The following RHEB variants were observed in gnomAD, a reference collection of about 807,000 sequenced individuals.
RHEB encodes Ras homolog, mTORC1 binding, also known as GTP-binding protein Rheb.
Under a neutral mutation model 28.8 loss-of-function variants are expected in RHEB, and 2 were observed. That is an observed-to-expected ratio of 0.07 (90% CI 0.03 to 0.22). The LOEUF (loss-of-function observed/expected upper bound fraction) is 0.22. RHEB is among the 10% of genes least tolerant of loss of function. RHEB has a pLI of 1.00. For missense variants in RHEB, 76 were observed against 219.9 expected, an observed-to-expected ratio of 0.35 and a Z score of 4.14; for synonymous variants, 69 against 77.3, an observed-to-expected ratio of 0.89 and a Z score of 0.56.
In RHEB at chr7:151,467,219, G is replaced by A; in HGVS notation, c.463-8C>T. 1 of 1,602,414 alleles carries A rather than the reference G, an allele frequency of 6.2e-7. No homozygotes were observed. Among genetic ancestry groups the A allele is most frequent in the Non-Finnish European group, 8.6e-7 (1 of 1,169,428 alleles). On this transcript the variant is annotated splice_region_variant and splice_polypyrimidine_tract_variant and intron_variant, in intron 7 of 7. Transcript: ENST00000262187. ...AAAAACATCCACAGCAGTCTGAAAAGAGAAAGAAACCCAATCACAGTGTTA... is the reference window on the plus strand; with the variant it reads ...AAAAACATCCACAGCAGTCTGAAAAAAGAAAGAAACCCAATCACAGTGTTA...
At chr7:151,517,312 G>A (rs1160881542) in intron 1 of RHEB, among the ~76,000 whole-genome samples, 1 of 149,948 alleles carries the variant, frequency 6.7e-6, no homozygotes, top group Non-Finnish European at 1.5e-5. Flanking sequence ...AGGATGCAGT[G>A]AGCCGAGATC....
At chr7:151,470,706 C>T (rs1042309218) in intron 6 of RHEB, 54 bp from the exon 7 acceptor site, 1 of 1,221,194 alleles carries the variant, frequency 8.2e-7, no homozygotes, top group Non-Finnish European at 1.2e-6. Flanking sequence ...TTATATAAAA[C>T]ATGTATAATT....
At chr7:151,502,614 C>T in intron 1 of RHEB, 4 of 1,524,166 alleles carry the variant, frequency 2.6e-6, no homozygotes, top group Non-Finnish European at 3.6e-6. Context: ...CAGATGACAG[C>T]AAGTTTGGAT....
intron 1 of RHEB, chr7:151,517,998 G>C (rs758317080): frequency 6.6e-6 from 1 of 151,880 alleles, no homozygotes; most frequent in Non-Finnish European, 1.5e-5. Flanking sequence ...CATGGATTCA[G>C]GCTGCCAATA....
chr7:151,496,824 G>C (rs1241189560), intron 1 of RHEB, among the ~76,000 whole-genome samples: 4 of 152,010 alleles, frequency 2.6e-5, no homozygotes, highest in Non-Finnish European at 1.5e-5. Flanking sequence ...CTGTTGCCCA[G>C]GCTGGAGTGC....
chr7:151,471,581 A>G lies in RHEB; in HGVS notation c.300T>C (p.His100=), dbSNP rs200487961. 1.6e-5 allele frequency: 26 copies of G among 1,604,796 alleles called. No individual in the cohort carries two copies. The highest frequency in any genetic ancestry group is 2.1e-5 in the Non-Finnish European group (25 of 1,174,126). The change falls in exon 5 of 8, where the codon CAT becomes CAC. Residue 100 remains histidine, a synonymous_variant. Transcript: ENST00000262187. ...TCCCCACCATATCCAACAATTTGCC[A>G]TGGATAACTTTAATCACTTCAAAAC... The part of the protein sequence containing the change: ...IKSFEVIKVI[H]GKLLDMVGKV...
rs75040980 is a variant in RHEB at position 151,472,534 on chromosome 7, C to T, written c.276-929G>A. ...CTGGGATTACAGGCGTGAGCCACCA[C>T]ACCCAGCCTCAAATGTCACTTCTTA... On this transcript the variant is annotated intron_variant, in intron 4 of 7. Coordinates refer to ENST00000262187, the MANE Select transcript of RHEB (RefSeq NM_005614.4). The surrounding 1 kb of genome is among the most constrained non-coding windows in gnomAD (Gnocchi z 5.2). 5.6e-4 allele frequency among the ~76,000 whole-genome samples: 85 copies of T among 152,338 alleles called. 1 individual carries two copies. In the East Asian group the frequency reaches 0.012, roughly 22 times the overall value.
At chr7:151,503,032 T>G (rs1243471857) in intron 1 of RHEB, 1 of 785,576 alleles carries the variant, frequency 1.3e-6, no homozygotes, top group Non-Finnish European at 2.4e-6. Flanking sequence ...GATACTTTGA[T>G]GAAATCACCC....
At chr7:151,474,576 G>T (rs6972955) in intron 4 of RHEB, among the ~76,000 whole-genome samples, 68,075 of 151,974 alleles carry the variant, frequency 0.45, 15,289 homozygotes, top group South Asian at 0.54. Context: ...ACAAAGGTAC[G>T]GTGAAGTAAC....
At position 151,519,443 on chromosome 7, in the gene RHEB, G is replaced by A; in HGVS notation, c.52+17C>T. The A allele has an allele frequency of 1.4e-6, 2 of 1,419,060 alleles. No homozygotes were observed. Among genetic ancestry groups the A allele is most frequent in the Non-Finnish European group, 1.9e-6 (2 of 1,076,948 alleles). The allele number at this position is 1,419,060 out of a possible 1,614,324, so 87.9% of individuals were successfully genotyped here. On this transcript the variant is annotated intron_variant, in intron 1 of 7. Transcript: ENST00000262187. Reference sequence around the variant, plus strand: ...CCCCGGCGGCGCGAGGAGGCCGCGCGGCCACCGGCCACTCACCCACAGACC... The same window carrying A: ...CCCCGGCGGCGCGAGGAGGCCGCGCAGCCACCGGCCACTCACCCACAGACC...
In RHEB at chr7:151,503,017, A is replaced by G. The variant is rs1007333958; in HGVS notation, c.53-12003T>C. On this transcript the variant is annotated intron_variant, in intron 1 of 7. Transcript: ENST00000262187. The stretch of plus-strand genomic sequence containing the variant: ...AATTCATTCAAGAAAAGAAATCAAT[A>G]GAACGATACTTTGATGAAATCACCC... 5.1e-6 allele frequency: 4 copies of G among 783,244 alleles called. No homozygotes were observed. The African/African-American group carries it at 6.8e-5, about 13-fold the overall frequency. 48.5% of individuals were successfully genotyped at this position (783,244 alleles called of 1,614,324 possible).
At chr7:151,504,591 T>C (rs1802833755) in intron 1 of RHEB, among the ~76,000 whole-genome samples, 2 of 152,204 alleles carry the variant, frequency 1.3e-5, no homozygotes, top group Admixed American at 1.3e-4. Context: ...TCAACTGTCC[T>C]ATTAAGCAAT....
At chr7:151,491,124 G>A in intron 1 of RHEB, 110 bp from the exon 2 acceptor site, 2 of 677,556 alleles carry the variant, frequency 3.0e-6, no homozygotes, top group South Asian at 3.7e-5. Context: ...GAAGGTATCA[G>A]GGTCAGAAAA....
chr7:151,516,558 G>C (rs1584871389), intron 1 of RHEB, among the ~76,000 whole-genome samples: 1 of 149,122 alleles, frequency 6.7e-6, no homozygotes, highest in East Asian at 2.0e-4. Flanking sequence ...GGGCAGCAGA[G>C]GTTGCAGTGA....
intron 1 of RHEB, among the ~76,000 whole-genome samples, chr7:151,494,369 C>T (rs933172793): frequency 7.2e-5 from 11 of 152,110 alleles, no homozygotes; most frequent in African/African-American, 1.4e-4. Flanking sequence ...AGGAGTTTCC[C>T]GTGAAATTCA....
At chr7:151,467,249 G>A (rs928021516) in intron 7 of RHEB, 38 bp from the exon 8 acceptor site, 13 of 1,463,356 alleles carry the variant, frequency 8.9e-6, no homozygotes, top group Non-Finnish European at 1.2e-5. Flanking sequence ...GTGTTAGTGT[G>A]AAGCCGAACT....
At chr7:151,514,915 T>G (rs912886080) in intron 1 of RHEB, among the ~76,000 whole-genome samples, 4 of 152,008 alleles carry the variant, frequency 2.6e-5, no homozygotes, top group Non-Finnish European at 5.9e-5. Context: ...GGCGCACACC[T>G]GCAGTCCTAG....
chr7:151,475,414 C>A (rs76667367), intron 4 of RHEB, among the ~76,000 whole-genome samples: 4,694 of 152,246 alleles, frequency 0.031, 207 homozygotes, highest in African/African-American at 0.11. Flanking sequence ...ACAAAACAAT[C>A]TTTGAATCAT....
chr7:151,500,225 T>G (rs551087935), intron 1 of RHEB, among the ~76,000 whole-genome samples: 1 of 152,068 alleles, frequency 6.6e-6, no homozygotes, highest in Non-Finnish European at 1.5e-5. Context: ...CTCTGAAAAA[T>G]GGACTAGAAA....
Sources: gnomAD v4.1 joint callset for allele counts (sites outside exome capture counted in the v4.1 genomes callset) on GRCh38, gnomAD v4.1.1 for gene constraint, Gnocchi (gnomAD v3.1) non-coding constraint, MANE v1.5 for transcripts, NCBI Gene and HGNC (gene_info 2026-07-23, HGNC 2026-07-21) for gene names.